Variants in ANP32E observed in about 807,000 individuals in gnomAD.
The protein encoded by ANP32E is acidic nuclear phosphoprotein 32 family member E.
A neutral mutation model predicts 35.3 loss-of-function variants in ANP32E; 14 were observed. The ratio of observed to expected loss-of-function variants is 0.40; its 90% CI spans 0.26 to 0.62. The LOEUF (loss-of-function observed/expected upper bound fraction) is 0.62, where lower values mean the gene tolerates loss of function less well. ANP32E is among the 20% of genes least tolerant of loss of function. ANP32E has a pLI of 0.45. For missense variants in ANP32E, 198 were observed against 304.4 expected, an observed-to-expected ratio of 0.65 and a Z score of 2.60; for synonymous variants, 89 against 110.4, an observed-to-expected ratio of 0.81 and a Z score of 1.22.
chr1:150,223,290 T>C lies in ANP32E; in HGVS notation c.682-50A>G, dbSNP rs782205674. On this transcript the variant is annotated intron_variant, in intron 5 of 6. Transcript: ENST00000583931. ...AAGATTGAAAAATCCATATGATTTT[T>C]CACTCTTTCTTGTAATATATTCCAA... The C allele has an allele frequency of 5.7e-5, 87 of 1,514,742 alleles. No homozygotes were observed. The South Asian group carries it at 8.7e-4, about 15-fold the overall frequency. 93.8% of individuals were successfully genotyped at this position (1,514,742 alleles called of 1,614,324 possible).
At chr1:150,223,815 G>C (rs587655147) in intron 5 of ANP32E, among the ~76,000 whole-genome samples, 1 of 148,408 alleles carries the variant, frequency 6.7e-6, no homozygotes, top group African/African-American at 2.5e-5. Context: ...GCGTGATCTC[G>C]GCTCACCGCA....
At chr1:150,233,264 CAA>C (rs60732970) in intron 1 of ANP32E, among the ~76,000 whole-genome samples, 1,885 of 86,300 alleles carry the variant, frequency 0.022, 42 homozygotes, top group African/African-American at 0.075. Flanking sequence ...GACTCTATCT[CAA>C]AAAAAAAAAA....
In ANP32E at chr1:150,220,677, G is replaced by T. The variant is rs1304058672; in HGVS notation, c.*14C>A. 4.3e-6 allele frequency: 7 copies of T among 1,612,086 alleles called. No homozygotes were observed. Among genetic ancestry groups the T allele is most frequent in the Non-Finnish European group, 5.9e-6 (7 of 1,178,464 alleles). On this transcript the variant is annotated 3_prime_UTR_variant, in exon 7 of 7. Coordinates refer to ENST00000583931, the MANE Select transcript of ANP32E (RefSeq NM_030920.5). ...CACACCCAGAAACATTAGAGAATCT[G>T]GTCTTAGAATGATCTAGTCATCTTC...
In ANP32E at chr1:150,220,684, G is replaced by C. The variant is rs1553837417; in HGVS notation, c.*7C>G. ...AGAAACATTAGAGAATCTGGTCTTAGAATGATCTAGTCATCTTCTTCCTCT... is the reference window on the plus strand; with the variant it reads ...AGAAACATTAGAGAATCTGGTCTTACAATGATCTAGTCATCTTCTTCCTCT... On this transcript the variant is annotated 3_prime_UTR_variant, in exon 7 of 7. Coordinates refer to ENST00000583931, the MANE Select transcript of ANP32E (RefSeq NM_030920.5). The C allele has an allele frequency of 6.2e-7, 1 of 1,613,494 alleles. No individual in the cohort carries two copies. Among genetic ancestry groups the C allele is most frequent in the Admixed American group, 1.7e-5 (1 of 60,012 alleles).
intron 5 of ANP32E, among the ~76,000 whole-genome samples, chr1:150,224,230 A>C (rs2101766557): frequency 6.6e-6 from 1 of 152,306 alleles, no homozygotes; most frequent in Non-Finnish European, 1.5e-5. Context: ...AGACAAGAAA[A>C]AAAGGGGAAG....
In ANP32E at chr1:150,231,760, C is replaced by T. The variant is rs782679844; in HGVS notation, c.204+17G>A. On this transcript the variant is annotated intron_variant, in intron 2 of 6. Transcript: ENST00000583931. ...GTGGCATTGAAATCATGATGCTTCA[C>T]GTAAATGCCAACTTACTTTTCGAAG... is the stretch of plus-strand genomic sequence containing the variant. The T allele has an allele frequency of 1.9e-6, 3 of 1,601,846 alleles. No individual in the cohort carries two copies. Among genetic ancestry groups the T allele is most frequent in the African/African-American group, 1.3e-5 (1 of 74,186 alleles).
At chr1:150,220,857 T>C in intron 6 of ANP32E, 96 bp from the exon 7 acceptor site, 2 of 1,055,464 alleles carry the variant, frequency 1.9e-6, no homozygotes, top group Non-Finnish European at 2.9e-6. Flanking sequence ...TGGCAAGGCC[T>C]AGCACGGTGG....
chr1:150,228,949 GTCTTACTAATA>G, intron 4 of ANP32E, 112 bp downstream of exon 4: 1 of 795,856 alleles, frequency 1.3e-6, no homozygotes, highest in Non-Finnish European at 2.0e-6. Context: ...ATTTTTTCTT[GTCTTACTAATA>G]TCTTGTTGTG....
At position 150,235,484 on chromosome 1, in the gene ANP32E, G is replaced by A. The variant is rs587700839; in HGVS notation, c.54+249C>T. Among the ~76,000 whole-genome samples, 4 of 152,306 alleles carry A rather than the reference G, an allele frequency of 2.6e-5. No individual in the cohort carries two copies. The East Asian group carries it at 7.7e-4, about 29-fold the overall frequency. ...CCCACGAGGTCAGGACGCCCGACTC[G>A]ATGAAAGCCGAAAGGAGCTAAGCCC... On this transcript the variant is annotated intron_variant, in intron 1 of 6. Transcript: ENST00000583931. This position sits in a 1 kb window ranked among gnomAD's most constrained non-coding sequence, Gnocchi z 4.2.
At chr1:150,227,693 T>C (rs1183817998) in intron 4 of ANP32E, among the ~76,000 whole-genome samples, 2 of 150,846 alleles carry the variant, frequency 1.3e-5, no homozygotes, top group Non-Finnish European at 2.9e-5. Flanking sequence ...CATCATGCAA[T>C]ACACCCATGG....
intron 5 of ANP32E, 184 bp from the exon 6 acceptor site, chr1:150,223,424 T>A: frequency 3.0e-6 from 2 of 668,344 alleles, no homozygotes; most frequent in Non-Finnish European, 4.8e-6. Context: ...CTCACGCCTG[T>A]AATCCCAGTA....
chr1:150,229,298 C>CTA lies in ANP32E; in HGVS notation c.328-62_328-61insTA. ...TAAAATACCATGTTATTTCTTTTTT[C>CTA]TTTTTTTTTTTTTTTTTTTGAGACG... On this transcript the variant is annotated intron_variant, in intron 3 of 6. Transcript: ENST00000583931. 9.3e-6 allele frequency: 4 copies of CTA among 429,548 alleles called. No individual in the cohort carries two copies. In the East Asian group the frequency reaches 2.4e-4, roughly 26 times the overall value. The allele number at this position is 429,548 out of a possible 1,614,324, so 26.6% of individuals were successfully genotyped here.
chr1:150,223,437 T>C, intron 5 of ANP32E, 197 bp from the exon 6 acceptor site: 1 of 582,696 alleles, frequency 1.7e-6, no homozygotes, highest in South Asian at 2.5e-5. Flanking sequence ...TCCCAGTACT[T>C]TGGGAGGCCA....
chr1:150,231,948 TTAA>T lies in ANP32E; in HGVS notation c.55-25_55-23del, dbSNP rs781948203. On this transcript the variant is annotated intron_variant, in intron 1 of 6. Transcript: ENST00000583931. The stretch of plus-strand genomic sequence containing the variant: ...TCACCTGTAAGAGGGAAAACATTAA[TTAA>T]TGATTCTTTAGTTTGTAATCTGTTT... 6 of 1,605,492 alleles carry T rather than the reference TTAA, an allele frequency of 3.7e-6. No homozygotes were observed. In the South Asian group the frequency reaches 5.6e-5, roughly 15 times the overall value.
intron 6 of ANP32E, among the ~76,000 whole-genome samples, chr1:150,221,376 C>G (rs1648353286): frequency 6.8e-6 from 1 of 146,782 alleles, no homozygotes. Flanking sequence ...GAGGCAGAGG[C>G]TGCAGTGAGC....
intron 5 of ANP32E, among the ~76,000 whole-genome samples, chr1:150,226,387 A>G (rs1648877327): frequency 6.6e-6 from 1 of 152,196 alleles, no homozygotes; most frequent in Admixed American, 6.5e-5. Flanking sequence ...TTGAGGCTGT[A>G]ACAGATTTGA....
chr1:150,222,838 A>G (rs1448001868), intron 6 of ANP32E, among the ~76,000 whole-genome samples: 1 of 151,924 alleles, frequency 6.6e-6, no homozygotes, highest in Non-Finnish European at 1.5e-5. Flanking sequence ...AATTATCTGG[A>G]GTTCAACTGC....
Position 150,236,010 on chromosome 1 carries a change from A to T in ANP32E, c.-224T>A. ...GCTGCCCCCACCTCCTTGTCCACAC[A>T]CTAGCGCGCGCACACACACGCACGC... On this transcript the variant is annotated 5_prime_UTR_variant, in exon 1 of 7. Coordinates refer to ENST00000583931, the MANE Select transcript of ANP32E (RefSeq NM_030920.5). The T allele has an allele frequency of 1.8e-6, 1 of 561,094 alleles. No homozygotes were observed. The highest frequency in any genetic ancestry group is 3.2e-6 in the Non-Finnish European group (1 of 312,174). The allele number at this position is 561,094 out of a possible 1,614,324, so 34.8% of individuals were successfully genotyped here. A position where few individuals can be genotyped will look rare whatever the true frequency, so the allele number is the denominator to read the frequency against.
At chr1:150,222,203 G>A (rs954380884) in intron 6 of ANP32E, among the ~76,000 whole-genome samples, 3 of 151,596 alleles carry the variant, frequency 2.0e-5, no homozygotes, top group Non-Finnish European at 2.9e-5. Flanking sequence ...GGCGGATCAC[G>A]AGGTCAGGAG....
Sources: gnomAD v4.1 joint callset for allele counts (sites outside exome capture counted in the v4.1 genomes callset) on GRCh38, gnomAD v4.1.1 for gene constraint, Gnocchi (gnomAD v3.1) non-coding constraint, MANE v1.5 for transcripts, NCBI Gene and HGNC (gene_info 2026-07-23, HGNC 2026-07-21) for gene names.